The following CADM2 variants were observed in gnomAD, a reference collection of about 807,000 sequenced individuals.
CADM2 encodes the protein immunoglobulin superfamily member 4D.
In CADM2, 12 loss-of-function variants were observed where a neutral mutation model predicts 49.8. The observed-to-expected ratio is 0.24, with a 90% CI of 0.15 to 0.39. CADM2 has a LOEUF of 0.39. CADM2 is among the 10% of genes least tolerant of loss of function. The probability of loss-of-function intolerance (pLI) is 1.00; values close to 1 mark genes in which losing one functional copy is unlikely to be tolerated. For synonymous variants in CADM2, 214 were observed against 175.4 expected (o/e 1.22, Z -1.74); for missense variants, 378 against 492.3 (o/e 0.77, Z 2.20).
intron 1 of CADM2, among the ~76,000 whole-genome samples, chr3:85,086,168 G>A (rs1167311109): frequency 6.6e-6 from 1 of 152,066 alleles, no homozygotes; most frequent in Non-Finnish European, 1.5e-5. Flanking sequence ...GTGATACTAA[G>A]ATACTGCTAC....
At chr3:85,935,604 TA>T (rs1319965141) in intron 6 of CADM2, among the ~76,000 whole-genome samples, 162 bp from the exon 7 acceptor site, 1 of 152,028 alleles carries the variant, frequency 6.6e-6, no homozygotes, top group Non-Finnish European at 1.5e-5. Flanking sequence ...GTTAGCTTTT[TA>T]AATCACACAC....
intron 1 of CADM2, among the ~76,000 whole-genome samples, chr3:84,963,348 T>G (rs530861785): frequency 1.3e-5 from 2 of 152,264 alleles, no homozygotes; most frequent in Admixed American, 6.5e-5. Context: ...TGCCTTTCCA[T>G]GCCTGAGGGG....
At chr3:85,800,075 T>A (rs1404396328) in intron 2 of CADM2, 2 of 152,228 alleles carry the variant, frequency 1.3e-5, no homozygotes, top group African/African-American at 4.8e-5. Flanking sequence ...CTTTTAGGGA[T>A]GCCCTGCTCA....
intron 1 of CADM2, among the ~76,000 whole-genome samples, chr3:85,589,507 G>A (rs1180247805): frequency 6.6e-6 from 1 of 151,984 alleles, no homozygotes. Context: ...ATAGGTACCA[G>A]ATTCCATGCT....
intron 1 of CADM2, among the ~76,000 whole-genome samples, chr3:85,701,654 A>G (rs1375670741): frequency 6.6e-6 from 1 of 152,128 alleles, no homozygotes; most frequent in African/African-American, 2.4e-5. Flanking sequence ...CCATCATTTC[A>G]TAGATTCTAC....
chr3:85,601,134 A>G (rs113979048), intron 1 of CADM2, among the ~76,000 whole-genome samples: 31,763 of 68,356 alleles, frequency 0.46, 5,066 homozygotes, highest in East Asian at 0.58. Context: ...ATGTGTGTAT[A>G]TATATATATA....
chr3:85,162,619 G>A (rs937243977), intron 1 of CADM2, among the ~76,000 whole-genome samples: 2 of 151,706 alleles, frequency 1.3e-5, no homozygotes, highest in Non-Finnish European at 2.9e-5. Context: ...ATACAAAAAG[G>A]CTTGTACACA....
At chr3:85,949,947 A>G (rs1413948136) in intron 7 of CADM2, among the ~76,000 whole-genome samples, 6 of 151,156 alleles carry the variant, frequency 4.0e-5, no homozygotes, top group African/African-American at 1.5e-4. Flanking sequence ...GGATGCTTAT[A>G]GAAACATTTT....
chr3:85,985,733 T>C (rs1728022502), intron 8 of CADM2, among the ~76,000 whole-genome samples: 1 of 151,994 alleles, frequency 6.6e-6, no homozygotes, highest in Non-Finnish European at 1.5e-5. Context: ...TCTTAATAAA[T>C]AACTACTTTT....
At chr3:86,023,805 G>C (rs1733518814) in intron 8 of CADM2, among the ~76,000 whole-genome samples, 1 of 152,042 alleles carries the variant, frequency 6.6e-6, no homozygotes, top group Non-Finnish European at 1.5e-5. Context: ...CTTCTTTTTA[G>C]ACTGCCAACT....
At chr3:86,008,463 C>G (rs186095030) in intron 8 of CADM2, among the ~76,000 whole-genome samples, 1 of 152,120 alleles carries the variant, frequency 6.6e-6, no homozygotes, top group Admixed American at 6.5e-5. Context: ...GAACTCTTAT[C>G]AAAACATTTT....
intron 1 of CADM2, among the ~76,000 whole-genome samples, chr3:85,431,728 C>A (rs540616612): frequency 1.3e-5 from 2 of 150,514 alleles, no homozygotes; most frequent in South Asian, 4.2e-4. Context: ...TGCTGAGAGT[C>A]AGAAGGGGTT....
At chr3:85,975,630 A>G (rs1726682325) in intron 8 of CADM2, among the ~76,000 whole-genome samples, 1 of 151,668 alleles carries the variant, frequency 6.6e-6, no homozygotes, top group South Asian at 2.1e-4. Flanking sequence ...CTACAAATAT[A>G]TAATACGACA....
intron 1 of CADM2, among the ~76,000 whole-genome samples, chr3:85,337,866 G>C (rs2045131729): frequency 6.6e-6 from 1 of 151,468 alleles, no homozygotes; most frequent in Non-Finnish European, 1.5e-5. Context: ...TTTATAAATA[G>C]TGTTATGACA....
At chr3:85,915,924 T>C (rs1167122737) in intron 6 of CADM2, among the ~76,000 whole-genome samples, 2 of 152,112 alleles carry the variant, frequency 1.3e-5, no homozygotes, top group East Asian at 1.9e-4. Flanking sequence ...ATAAAAATCC[T>C]CTGATATTGT....
At chr3:85,855,602 C>CATATATATATATATAAAACATAT (rs2075280149) in intron 3 of CADM2, among the ~76,000 whole-genome samples, 1 of 129,376 alleles carries the variant, frequency 7.7e-6, no homozygotes, top group Non-Finnish European at 1.7e-5. Flanking sequence ...ATATATAAAA[C>CATATATATATATATAAAACATAT]ATATATATAT....
In CADM2 at chr3:85,886,462, C is replaced by T. The variant is rs13325188; in HGVS notation, c.529+135C>T. 0.013 allele frequency: 7,874 copies of T among 609,676 alleles called. 498 individuals are homozygous for T. The African/African-American group carries it at 0.13, about 10-fold the overall frequency. The allele number at this position is 609,676 out of a possible 1,614,324, so 37.8% of individuals were successfully genotyped here. On this transcript the variant is annotated intron_variant, in intron 5 of 9. Transcript: ENST00000383699. ...ATGCATCATTTGAACCAGATTTACC[C>T]ATTCTTAAGTAAGGTAATTTTACAA...
chr3:85,583,020 A>T (rs556169568), intron 1 of CADM2, among the ~76,000 whole-genome samples: 19 of 152,310 alleles, frequency 1.2e-4, no homozygotes, highest in African/African-American at 4.6e-4. Flanking sequence ...TTATGTGTTT[A>T]GTACAGTGCC....
intron 6 of CADM2, among the ~76,000 whole-genome samples, chr3:85,914,528 A>G (rs1718028141): frequency 6.6e-6 from 1 of 152,204 alleles, no homozygotes; most frequent in African/African-American, 2.4e-5. Flanking sequence ...TTTAATATTT[A>G]CATACAAAGC....
Sources: allele counts gnomAD v4.1 joint callset (sites outside exome capture counted in the v4.1 genomes callset), GRCh38; gene constraint gnomAD v4.1.1; transcripts MANE v1.5; gene names NCBI Gene and HGNC (gene_info 2026-07-23, HGNC 2026-07-21).